TACC2: variants seen among roughly 807,000 people sequenced by gnomAD.
TACC2 encodes the protein transforming acidic coiled-coil containing protein 2, also known as transforming acidic coiled-coil-containing protein 2.
TACC2 carries 137 observed loss-of-function variants against 227.3 expected under a neutral mutation model. That is an observed-to-expected ratio of 0.60 (90% CI 0.52 to 0.69). TACC2 has a LOEUF of 0.69. Ranked by LOEUF, TACC2 falls within the 30% of genes least tolerant of loss-of-function variation. TACC2 has a pLI of 0.00. For missense variants in TACC2, 3,470 were observed against 3,694.4 expected (o/e 0.94, Z 1.57); for synonymous variants, 1,523 against 1,487.5 (o/e 1.02, Z -0.55).
intron 7 of TACC2, among the ~76,000 whole-genome samples, chr10:122,149,752 G>A (rs1282175584): frequency 1.3e-5 from 2 of 152,252 alleles, no homozygotes; most frequent in Non-Finnish European, 2.9e-5. Flanking sequence ...CCTCACTAGG[G>A]AAAGGGGCTG....
intron 8 of TACC2, among the ~76,000 whole-genome samples, chr10:122,201,757 C>T (rs2094862543): frequency 6.6e-6 from 1 of 152,206 alleles, no homozygotes; most frequent in Non-Finnish European, 1.5e-5. Context: ...GGGGTATAAC[C>T]AAGCACCGCA....
intron 7 of TACC2, among the ~76,000 whole-genome samples, chr10:122,189,449 C>G (rs780512564): frequency 6.6e-5 from 10 of 152,246 alleles, no homozygotes; most frequent in Admixed American, 1.3e-4. Context: ...CCGACCAGGG[C>G]TTTTGTCCAG....
intron 22 of TACC2, among the ~76,000 whole-genome samples, 195 bp from the exon 23 acceptor site, chr10:122,253,796 T>C (rs367959890): frequency 2.4e-4 from 36 of 152,298 alleles, no homozygotes; most frequent in Admixed American, 6.5e-4. Context: ...CTCAGAGAGG[T>C]TGTGTAACTT....
chr10:122,088,001 T>C (rs2080276121), intron 4 of TACC2, 42 bp downstream of exon 4: 1 of 1,478,886 alleles, frequency 6.8e-7, no homozygotes, highest in Non-Finnish European at 9.0e-7. Context: ...TGTGGTCAGT[T>C]TCAAAGGTGA....
chr10:122,157,476 C>T (rs1397706732), intron 7 of TACC2, among the ~76,000 whole-genome samples: 1 of 151,724 alleles, frequency 6.6e-6, no homozygotes. Context: ...TGGGAGAATG[C>T]GTGTTCAGAA....
intron 21 of TACC2, 100 bp downstream of exon 21, chr10:122,249,256 A>G (rs1381849205): frequency 2.3e-6 from 2 of 873,520 alleles, no homozygotes; most frequent in Admixed American, 2.2e-5. Context: ...ATTGGCTTGG[A>G]AAGGGGGCAT....
intron 16 of TACC2, among the ~76,000 whole-genome samples, chr10:122,233,874 C>T (rs2095806824): frequency 6.6e-6 from 1 of 152,210 alleles, no homozygotes; most frequent in South Asian, 2.1e-4. Flanking sequence ...TCCCCATGAT[C>T]ACCGCTCCTG....
At chr10:122,015,781 G>GA (rs1554961896) in intron 1 of TACC2, among the ~76,000 whole-genome samples, 2 of 58,112 alleles carry the variant, frequency 3.4e-5, no homozygotes, top group East Asian at 7.2e-4. Flanking sequence ...GAACCCGGGA[G>GA]GGGGAGGTTG....
At chr10:122,242,038 C>T (rs765070045) in intron 19 of TACC2, 37 bp downstream of exon 19, 110 of 1,601,804 alleles carry the variant, frequency 6.9e-5, no homozygotes, top group Middle Eastern at 1.7e-4. Flanking sequence ...AGGCCGGCCC[C>T]GATGTTTCTG....
intron 14 of TACC2, among the ~76,000 whole-genome samples, chr10:122,228,916 CA>C (rs1292009002): frequency 6.6e-6 from 1 of 152,126 alleles, no homozygotes; most frequent in Non-Finnish European, 1.5e-5. Flanking sequence ...GACACTTTTT[CA>C]TTTGAAATCA....
chr10:122,149,263 A>G (rs1424266705), intron 7 of TACC2, among the ~76,000 whole-genome samples: 1 of 152,208 alleles, frequency 6.6e-6, no homozygotes, highest in Non-Finnish European at 1.5e-5. Context: ...TGCTGCGGAC[A>G]GCTGTCCCCT....
At chr10:122,081,123 A>G (rs902716942) in intron 3 of TACC2, among the ~76,000 whole-genome samples, 1 of 152,230 alleles carries the variant, frequency 6.6e-6, no homozygotes, top group African/African-American at 2.4e-5. Context: ...GAAATTCACT[A>G]GAACTCTGAA....
At chr10:122,221,656 C>G (rs2095526206) in intron 11 of TACC2, among the ~76,000 whole-genome samples, 2 of 152,206 alleles carry the variant, frequency 1.3e-5, no homozygotes, top group Admixed American at 1.3e-4. Context: ...TATAATGTCA[C>G]TTAGGTTAAA....
intron 5 of TACC2, among the ~76,000 whole-genome samples, chr10:122,113,856 G>A (rs1216945697): frequency 6.6e-6 from 1 of 152,232 alleles, no homozygotes. Flanking sequence ...GGCTCCCGCC[G>A]CAGAGTGCGC....
At position 122,104,436 on chromosome 10, in the gene TACC2, TTG is replaced by T. The variant is rs1182326959; in HGVS notation, c.5573+15847_5573+15848del. 2.0e-5 allele frequency among the ~76,000 whole-genome samples: 3 copies of T among 152,294 alleles called. No individual in the cohort carries two copies. The East Asian group carries it at 5.8e-4, about 29-fold the overall frequency. The stretch of plus-strand genomic sequence containing the variant: ...CAGGCTGGAGTGCAGTGGTGCGATC[TTG>T]TCTCATTGCAACCTCCGCCTCCCAG... On this transcript the variant is annotated intron_variant, in intron 5 of 22. Coordinates refer to ENST00000369005, the MANE Select transcript of TACC2 (RefSeq NM_206862.4).
At chr10:122,061,368 G>A (rs1432514275) in intron 3 of TACC2, among the ~76,000 whole-genome samples, 2 of 152,010 alleles carry the variant, frequency 1.3e-5, no homozygotes, top group African/African-American at 4.8e-5. Context: ...GGGCAGGTGG[G>A]ACCATATGCT....
intron 7 of TACC2, among the ~76,000 whole-genome samples, chr10:122,185,027 T>G (rs1392868471): frequency 1.4e-5 from 2 of 145,790 alleles, no homozygotes; most frequent in Non-Finnish European, 3.0e-5. Context: ...TATTCTTTTT[T>G]TTTTTTTTTT....
chr10:122,163,468 G>C, intron 7 of TACC2: 2 of 669,774 alleles, frequency 3.0e-6, no homozygotes, highest in Non-Finnish European at 3.7e-6. Flanking sequence ...GGCAGAGGGA[G>C]GGTCTTCGCC....
chr10:122,074,565 G>A (rs1318842822), intron 3 of TACC2, among the ~76,000 whole-genome samples: 1 of 152,128 alleles, frequency 6.6e-6, no homozygotes, highest in African/African-American at 2.4e-5. Flanking sequence ...TGAGGGGACT[G>A]TTTCTTAAGC....
Sources: gnomAD v4.1 joint callset for allele counts (sites outside exome capture counted in the v4.1 genomes callset) on GRCh38, gnomAD v4.1.1 for gene constraint, MANE v1.5 for transcripts, NCBI Gene and HGNC (gene_info 2026-07-23, HGNC 2026-07-21) for gene names.